CDKAL1: variants seen among roughly 807,000 people sequenced by gnomAD.
CDKAL1 encodes the protein CDKAL1 threonylcarbamoyladenosine tRNA methylthiotransferase, also known as threonylcarbamoyladenosine tRNA methylthiotransferase.
CDKAL1 carries 32 observed loss-of-function variants against 68.2 expected under a neutral mutation model. The observed-to-expected ratio is 0.47, with a 90% CI of 0.35 to 0.63. The LOEUF (loss-of-function observed/expected upper bound fraction) is 0.63, where lower values mean the gene tolerates loss of function less well. CDKAL1 is among the 30% of genes least tolerant of loss of function. CDKAL1 has a pLI of 0.00. For missense variants in CDKAL1, 606 were observed against 696.7 expected, an observed-to-expected ratio of 0.87 and a Z score of 1.47; for synonymous variants, 234 against 244.3, an observed-to-expected ratio of 0.96 and a Z score of 0.39.
At chr6:21,053,017 A>G (rs188733343) in intron 11 of CDKAL1, among the ~76,000 whole-genome samples, 1 of 152,304 alleles carries the variant, frequency 6.6e-6, no homozygotes, top group African/African-American at 2.4e-5. Flanking sequence ...TATTCATTCA[A>G]TGTAAGTGTT....
chr6:20,862,775 C>T (rs1265359474), intron 9 of CDKAL1, among the ~76,000 whole-genome samples: 1 of 151,898 alleles, frequency 6.6e-6, no homozygotes, highest in African/African-American at 2.4e-5. Context: ...GCCTGTAATC[C>T]CAGCACTTTG....
At chr6:20,876,459 G>T (rs999641062) in intron 9 of CDKAL1, among the ~76,000 whole-genome samples, 4 of 152,184 alleles carry the variant, frequency 2.6e-5, no homozygotes, top group Non-Finnish European at 5.9e-5. Context: ...TTTGGCAATT[G>T]TCTCTTATGT....
At chr6:20,867,369 A>G (rs1200587589) in intron 9 of CDKAL1, among the ~76,000 whole-genome samples, 2 of 152,314 alleles carry the variant, frequency 1.3e-5, no homozygotes, top group East Asian at 1.9e-4. Flanking sequence ...GTTGTCAAAT[A>G]ACGGTTATTT....
chr6:20,984,788 TGGG>T (rs1766352901), intron 10 of CDKAL1, among the ~76,000 whole-genome samples: 1 of 115,922 alleles, frequency 8.6e-6, no homozygotes, highest in African/African-American at 3.4e-5. Context: ...TGGCTGAGCC[TGGG>T]GTTTTTATGG....
intron 4 of CDKAL1, among the ~76,000 whole-genome samples, chr6:20,628,791 C>T (rs536967277): frequency 7.2e-5 from 11 of 152,058 alleles, no homozygotes; most frequent in African/African-American, 2.4e-4. Flanking sequence ...CTTTAGTCTT[C>T]GTTTCAAAAT....
intron 7 of CDKAL1, among the ~76,000 whole-genome samples, chr6:20,770,168 A>T (rs1182420408): frequency 6.6e-6 from 1 of 152,060 alleles, no homozygotes; most frequent in Non-Finnish European, 1.5e-5. Flanking sequence ...GATACGCTTA[A>T]TTTTTTATAG....
intron 8 of CDKAL1, among the ~76,000 whole-genome samples, chr6:20,820,159 G>C (rs975154406): frequency 2.6e-5 from 4 of 152,134 alleles, no homozygotes; most frequent in African/African-American, 4.8e-5. Flanking sequence ...AAGTATGTAG[G>C]CTGCATTGTC....
intron 13 of CDKAL1, among the ~76,000 whole-genome samples, chr6:21,159,825 G>T (rs1282921521): frequency 6.6e-6 from 1 of 152,142 alleles, no homozygotes; most frequent in Non-Finnish European, 1.5e-5. Flanking sequence ...CTTACTTCAG[G>T]CAGAGTTTGA....
chr6:21,061,816 G>A (rs567766920), intron 11 of CDKAL1, among the ~76,000 whole-genome samples: 62 of 152,246 alleles, frequency 4.1e-4, no homozygotes, highest in Admixed American at 1.9e-3. Flanking sequence ...ACATTAAAGT[G>A]CAGTCTCTAC....
chr6:21,146,546 C>G (rs937654399), intron 13 of CDKAL1, among the ~76,000 whole-genome samples: 1 of 152,062 alleles, frequency 6.6e-6, no homozygotes, highest in Non-Finnish European at 1.5e-5. Flanking sequence ...ATAGACTGGT[C>G]CCTCTAAGAT....
intron 4 of CDKAL1, among the ~76,000 whole-genome samples, chr6:20,557,243 T>G (rs1764092713): frequency 1.3e-5 from 2 of 152,066 alleles, no homozygotes; most frequent in Non-Finnish European, 2.9e-5. Flanking sequence ...TTGCCAAAAT[T>G]CTTTATTCTG....
At chr6:20,639,218 T>G (rs1433045223) in intron 4 of CDKAL1, among the ~76,000 whole-genome samples, 1 of 152,186 alleles carries the variant, frequency 6.6e-6, no homozygotes, top group Non-Finnish European at 1.5e-5. Flanking sequence ...TGACCCTTGG[T>G]TTCCTCATCT....
chr6:20,773,951 T>G (rs1233449529), intron 7 of CDKAL1, among the ~76,000 whole-genome samples: 1 of 152,190 alleles, frequency 6.6e-6, no homozygotes, highest in Non-Finnish European at 1.5e-5. Flanking sequence ...ACTAGGAATA[T>G]TTCCAGCAGG....
At chr6:20,962,183 A>G (rs778829427) in intron 10 of CDKAL1, among the ~76,000 whole-genome samples, 1 of 152,254 alleles carries the variant, frequency 6.6e-6, no homozygotes, top group Non-Finnish European at 1.5e-5. Flanking sequence ...CAACATTGAC[A>G]CTAACATTCA....
At chr6:20,732,639 T>A (rs1472630052) in intron 5 of CDKAL1, among the ~76,000 whole-genome samples, 1 of 152,100 alleles carries the variant, frequency 6.6e-6, no homozygotes, top group Admixed American at 6.5e-5. Context: ...CTGCACTTGG[T>A]TCACTTTGGA....
intron 11 of CDKAL1, among the ~76,000 whole-genome samples, chr6:21,044,446 C>T (rs946205114): frequency 1.3e-5 from 2 of 152,206 alleles, no homozygotes; most frequent in South Asian, 4.1e-4. Context: ...GATAGCATCA[C>T]ACACATTTAT....
intron 13 of CDKAL1, among the ~76,000 whole-genome samples, chr6:21,166,147 A>C (rs983201761): frequency 7.2e-5 from 11 of 152,166 alleles, no homozygotes; most frequent in African/African-American, 2.4e-4. Context: ...TTAGGAGTTG[A>C]CCTGATAATT....
At chr6:20,565,976 C>T (rs1033807629) in intron 4 of CDKAL1, among the ~76,000 whole-genome samples, 4 of 151,850 alleles carry the variant, frequency 2.6e-5, no homozygotes, top group African/African-American at 9.7e-5. Context: ...AGCAAAAATG[C>T]ACTCAGTGAT....
chr6:20,768,833 A>C (rs1774812205), intron 7 of CDKAL1, among the ~76,000 whole-genome samples: 1 of 152,162 alleles, frequency 6.6e-6, no homozygotes, highest in Non-Finnish European at 1.5e-5. Context: ...CATTACCTAG[A>C]GCAGTGATTC....
Sources: gnomAD v4.1 joint callset for allele counts (sites outside exome capture counted in the v4.1 genomes callset) on GRCh38, gnomAD v4.1.1 for gene constraint, MANE v1.5 for transcripts, NCBI Gene and HGNC (gene_info 2026-07-23, HGNC 2026-07-21) for gene names.